OPCML: variants seen among roughly 807,000 people sequenced by gnomAD.
OPCML encodes opioid-binding protein/cell adhesion molecule.
Under a neutral mutation model 37.8 loss-of-function variants are expected in OPCML, and 13 were observed. The ratio of observed to expected loss-of-function variants is 0.34; its 90% CI spans 0.22 to 0.55. The LOEUF (loss-of-function observed/expected upper bound fraction) is 0.55. Among genes scored for constraint, OPCML ranks in the 20% least tolerant of loss-of-function variants. The pLI is 0.91. For missense variants in OPCML, 341 were observed against 435.6 expected (o/e 0.78, Z 1.93); for synonymous variants, 176 against 168.8 (o/e 1.04, Z -0.33).
chr11:132,993,699 A>G (rs1400149910), intron 1 of OPCML, among the ~76,000 whole-genome samples: 2 of 152,168 alleles, frequency 1.3e-5, no homozygotes, highest in Non-Finnish European at 2.9e-5. Flanking sequence ...TCTGGAATCA[A>G]CTGGAATCAC....
At chr11:132,813,827 T>C (rs1939482280) in intron 2 of OPCML, among the ~76,000 whole-genome samples, 1 of 152,128 alleles carries the variant, frequency 6.6e-6, no homozygotes. Context: ...CCATCCTACC[T>C]TCCCTGGGAT....
At chr11:132,916,819 G>A (rs1342693561) in intron 2 of OPCML, among the ~76,000 whole-genome samples, 1 of 152,174 alleles carries the variant, frequency 6.6e-6, no homozygotes, top group Non-Finnish European at 1.5e-5. Flanking sequence ...TCACAGAGGG[G>A]CTGAGGATCT....
intron 1 of OPCML, among the ~76,000 whole-genome samples, chr11:133,197,668 G>A (rs1938588122): frequency 6.6e-6 from 1 of 152,192 alleles, no homozygotes; most frequent in African/African-American, 2.4e-5. Context: ...TTATGCCAAT[G>A]AATTCCGAGT....
At chr11:133,306,582 G>A (rs943073486) in intron 1 of OPCML, among the ~76,000 whole-genome samples, 2 of 87,218 alleles carry the variant, frequency 2.3e-5, no homozygotes, top group Admixed American at 1.4e-4. Flanking sequence ...TTCTGCAAAA[G>A]TTGTACTGTG....
At chr11:132,920,887 T>C (rs2136582248) in intron 2 of OPCML, among the ~76,000 whole-genome samples, 1 of 152,248 alleles carries the variant, frequency 6.6e-6, no homozygotes, top group South Asian at 2.1e-4. Context: ...CTCATTAATC[T>C]CGGCTATCTC....
chr11:133,004,624 C>T, intron 1 of OPCML: 3 of 985,464 alleles, frequency 3.0e-6, no homozygotes, highest in Non-Finnish European at 3.6e-6. Context: ...CCAGTTGCTG[C>T]CCCCACTGCT....
chr11:132,953,474 C>T (rs371674254), intron 1 of OPCML, among the ~76,000 whole-genome samples: 76 of 152,186 alleles, frequency 5.0e-4, no homozygotes, highest in African/African-American at 1.7e-3. Flanking sequence ...ATAAAGGGAC[C>T]GATTTCCGCA....
At chr11:132,724,857 T>G (rs1256088322) in intron 2 of OPCML, among the ~76,000 whole-genome samples, 1 of 152,154 alleles carries the variant, frequency 6.6e-6, no homozygotes, top group African/African-American at 2.4e-5. Flanking sequence ...ATCTTAAAGC[T>G]CCAAAATGAT....
At chr11:133,505,597 A>G (rs1948012397) in intron 1 of OPCML, among the ~76,000 whole-genome samples, 2 of 152,182 alleles carry the variant, frequency 1.3e-5, no homozygotes, top group Admixed American at 6.5e-5. Context: ...ACCTGGTCTC[A>G]GCCTCACATT....
At chr11:132,577,877 T>C (rs1425858614) in intron 3 of OPCML, among the ~76,000 whole-genome samples, 3 of 152,206 alleles carry the variant, frequency 2.0e-5, no homozygotes, top group Non-Finnish European at 2.9e-5. Context: ...ATACCAATCT[T>C]AGTGTTTAGA....
At chr11:133,220,791 G>A (rs1939783849) in intron 1 of OPCML, among the ~76,000 whole-genome samples, 1 of 152,004 alleles carries the variant, frequency 6.6e-6, no homozygotes, top group Non-Finnish European at 1.5e-5. Flanking sequence ...CTCCAAAGGA[G>A]CTTCGGGAGC....
intron 3 of OPCML, among the ~76,000 whole-genome samples, chr11:132,616,324 TGGC>T (rs1939014422): frequency 1.3e-5 from 2 of 152,206 alleles, no homozygotes; most frequent in Non-Finnish European, 1.5e-5. Context: ...AATGTATAGC[TGGC>T]ACTATTAAAT....
intron 1 of OPCML, among the ~76,000 whole-genome samples, chr11:133,115,846 T>G (rs1322318644): frequency 6.7e-6 from 1 of 148,916 alleles, no homozygotes; most frequent in Non-Finnish European, 1.5e-5. Context: ...TTTCACATGT[T>G]TACTTCCTTA....
intron 1 of OPCML, among the ~76,000 whole-genome samples, chr11:133,499,247 G>A (rs757418067): frequency 5.9e-5 from 9 of 152,164 alleles, no homozygotes; most frequent in Admixed American, 3.3e-4. Context: ...GATTTCGGGC[G>A]AGGGGCAGGC....
At chr11:133,406,555 A>G (rs886880659) in intron 1 of OPCML, among the ~76,000 whole-genome samples, 1 of 152,220 alleles carries the variant, frequency 6.6e-6, no homozygotes. Flanking sequence ...GTAGGAGCCG[A>G]GCTTTCCCTG....
At chr11:132,910,073 C>T (rs1236156320) in intron 2 of OPCML, among the ~76,000 whole-genome samples, 1 of 152,172 alleles carries the variant, frequency 6.6e-6, no homozygotes, top group African/African-American at 2.4e-5. Flanking sequence ...AGAGTCGGTA[C>T]TGAAAATAGA....
At chr11:132,461,040 T>C (rs192197046) in intron 4 of OPCML, among the ~76,000 whole-genome samples, 317 of 152,244 alleles carry the variant, frequency 2.1e-3, no homozygotes, top group African/African-American at 7.1e-3. Flanking sequence ...GTGAGGTTAA[T>C]GATGTACCTG....
At chr11:132,700,897 A>G (rs1228532856) in intron 2 of OPCML, among the ~76,000 whole-genome samples, 1 of 152,086 alleles carries the variant, frequency 6.6e-6, no homozygotes, top group Non-Finnish European at 1.5e-5. Flanking sequence ...GTCCCTTACT[A>G]TTACTGTATT....
chr11:133,128,611 G>A (rs952953365), intron 1 of OPCML, among the ~76,000 whole-genome samples: 11 of 152,138 alleles, frequency 7.2e-5, no homozygotes, highest in Non-Finnish European at 1.6e-4. Context: ...GTGAGTCTCC[G>A]AAGGAGCCTC....
Sources: allele counts gnomAD v4.1 joint callset (sites outside exome capture counted in the v4.1 genomes callset), GRCh38; gene constraint gnomAD v4.1.1; transcripts MANE v1.5; gene names NCBI Gene and HGNC (gene_info 2026-07-23, HGNC 2026-07-21).